THSD7B: variants seen among roughly 807,000 people sequenced by gnomAD.
THSD7B encodes the protein thrombospondin type-1 domain-containing protein 7B.
Under a neutral mutation model 213.6 loss-of-function variants are expected in THSD7B, and 138 were observed. The observed-to-expected ratio is 0.65, with a 90% CI of 0.56 to 0.74. The LOEUF (loss-of-function observed/expected upper bound fraction) is 0.74, where lower values mean the gene tolerates loss of function less well. THSD7B is among the 30% of genes least tolerant of loss of function. The pLI, the probability that THSD7B is intolerant of heterozygous loss-of-function variation, is 0.00. For missense variants in THSD7B, 1,931 were observed against 1,991.5 expected (o/e 0.97, Z 0.58); for synonymous variants, 742 against 687.0 (o/e 1.08, Z -1.25).
chr2:137,284,645 A>G (rs139906171), intron 12 of THSD7B, among the ~76,000 whole-genome samples: 96 of 152,164 alleles, frequency 6.3e-4, no homozygotes, highest in African/African-American at 2.3e-3. Flanking sequence ...TTCTGCCTTC[A>G]TTTTATTATG....
At chr2:136,970,459 T>C (rs897308256) in intron 2 of THSD7B, among the ~76,000 whole-genome samples, 3 of 111,186 alleles carry the variant, frequency 2.7e-5, no homozygotes, top group African/African-American at 1.5e-4. Flanking sequence ...AGTGAGTCTG[T>C]CTCAAAAAAA....
At chr2:136,980,583 A>C (rs932052558) in intron 2 of THSD7B, among the ~76,000 whole-genome samples, 2 of 152,112 alleles carry the variant, frequency 1.3e-5, no homozygotes, top group East Asian at 1.9e-4. Context: ...CAAACTACCC[A>C]GTCTCCCTGG....
At chr2:137,435,437 A>G (rs1687271824) in intron 14 of THSD7B, among the ~76,000 whole-genome samples, 1 of 152,212 alleles carries the variant, frequency 6.6e-6, no homozygotes, top group Non-Finnish European at 1.5e-5. Flanking sequence ...GTAATACCAA[A>G]TAGTGCAATG....
At chr2:136,976,788 A>AT (rs1685488770) in intron 2 of THSD7B, among the ~76,000 whole-genome samples, 1 of 151,880 alleles carries the variant, frequency 6.6e-6, no homozygotes, top group Non-Finnish European at 1.5e-5. Context: ...CGCCTGGCTA[A>AT]TTTTTTGTAT....
intron 15 of THSD7B, among the ~76,000 whole-genome samples, chr2:137,541,143 CAACAT>C (rs1680602501): frequency 6.6e-6 from 1 of 151,596 alleles, no homozygotes; most frequent in African/African-American, 2.4e-5. Context: ...ACATGACAAA[CAACAT>C]ACATATCATA....
intron 15 of THSD7B, among the ~76,000 whole-genome samples, chr2:137,540,098 C>T (rs1439831729): frequency 6.6e-6 from 1 of 151,530 alleles, no homozygotes; most frequent in Non-Finnish European, 1.5e-5. Context: ...TATGACTTTG[C>T]AGATAATGAG....
chr2:137,529,596 CTTT>C (rs76753833), intron 15 of THSD7B, among the ~76,000 whole-genome samples: 1 of 136,818 alleles, frequency 7.3e-6, no homozygotes, highest in Non-Finnish European at 1.6e-5. Context: ...TTCTAAGAAT[CTTT>C]TTTTTTTTTT....
At chr2:136,819,664 G>A (rs1682538704) in intron 1 of THSD7B, among the ~76,000 whole-genome samples, 1 of 151,910 alleles carries the variant, frequency 6.6e-6, no homozygotes, top group African/African-American at 2.4e-5. Flanking sequence ...GAGCTAGAGA[G>A]GCTCCTGAGG....
intron 1 of THSD7B, among the ~76,000 whole-genome samples, chr2:136,787,896 C>T (rs762425258): frequency 6.6e-6 from 1 of 152,092 alleles, no homozygotes; most frequent in Non-Finnish European, 1.5e-5. Context: ...CAGATAGAGG[C>T]TGCTTTTCCA....
chr2:137,395,650 T>A (rs1361027974), intron 12 of THSD7B, among the ~76,000 whole-genome samples: 4 of 152,200 alleles, frequency 2.6e-5, no homozygotes, highest in Admixed American at 6.5e-5. Context: ...TCTGTCCAGC[T>A]TTGGTATCAG....
At chr2:137,341,999 T>G (rs1684772675) in intron 12 of THSD7B, among the ~76,000 whole-genome samples, 1 of 151,636 alleles carries the variant, frequency 6.6e-6, no homozygotes, top group African/African-American at 2.4e-5. Flanking sequence ...TCCATATGAA[T>G]TTTAGGGTTT....
intron 2 of THSD7B, among the ~76,000 whole-genome samples, chr2:136,927,303 G>C (rs2105042081): frequency 6.6e-6 from 1 of 151,958 alleles, no homozygotes; most frequent in East Asian, 1.9e-4. Context: ...TGCTGAGTGA[G>C]CTGGACCTGC....
chr2:137,287,136 A>G (rs1683200344), intron 12 of THSD7B, among the ~76,000 whole-genome samples: 1 of 152,132 alleles, frequency 6.6e-6, no homozygotes, highest in Non-Finnish European at 1.5e-5. Flanking sequence ...CCAGAGTAAA[A>G]TATTGGAGGA....
chr2:137,510,804 T>C (rs1679944541), intron 15 of THSD7B, among the ~76,000 whole-genome samples: 1 of 152,214 alleles, frequency 6.6e-6, no homozygotes, highest in Admixed American at 6.5e-5. Context: ...CTCTTTATTT[T>C]TGGCTATTAG....
At chr2:137,041,407 A>G (rs962429687) in intron 2 of THSD7B, among the ~76,000 whole-genome samples, 3 of 152,112 alleles carry the variant, frequency 2.0e-5, no homozygotes, top group African/African-American at 2.4e-5. Context: ...AAATGTACTA[A>G]GAATACTATA....
intron 15 of THSD7B, among the ~76,000 whole-genome samples, chr2:137,472,876 A>G (rs1050539701): frequency 6.6e-6 from 1 of 152,162 alleles, no homozygotes; most frequent in Non-Finnish European, 1.5e-5. Flanking sequence ...CTGACATCGT[A>G]TATTGGTCAT....
At chr2:137,422,571 TA>T (rs1055672403) in intron 14 of THSD7B, among the ~76,000 whole-genome samples, 2 of 152,160 alleles carry the variant, frequency 1.3e-5, no homozygotes, top group East Asian at 1.9e-4. Flanking sequence ...TTTATACTTT[TA>T]AAAAAATCAA....
chr2:136,928,189 T>C (rs954519404), intron 2 of THSD7B, among the ~76,000 whole-genome samples: 1 of 152,152 alleles, frequency 6.6e-6, no homozygotes, highest in Non-Finnish European at 1.5e-5. Flanking sequence ...TTTAGAACAT[T>C]TACATTAGCC....
intron 2 of THSD7B, among the ~76,000 whole-genome samples, chr2:137,036,925 C>G (rs1276136461): frequency 6.6e-6 from 1 of 152,162 alleles, no homozygotes; most frequent in Non-Finnish European, 1.5e-5. Flanking sequence ...CTTCTGAAAC[C>G]TTGCTCACAT....
Sources: allele counts gnomAD v4.1 joint callset (sites outside exome capture counted in the v4.1 genomes callset), GRCh38; gene constraint gnomAD v4.1.1; transcripts MANE v1.5; gene names NCBI Gene and HGNC (gene_info 2026-07-23, HGNC 2026-07-21).